Variants in TRMT11 observed in about 807,000 individuals in gnomAD.
The protein encoded by TRMT11 is tRNA methyltransferase 11, also known as tRNA (guanine(10)-N(2))-methyltransferase TRMT11.
In TRMT11, 53 loss-of-function variants were observed where a neutral mutation model predicts 62.8. The ratio of observed to expected loss-of-function variants is 0.84; its 90% CI spans 0.68 to 1.06. The LOEUF is 1.06. Among genes scored for constraint, TRMT11 ranks in the 50% least tolerant of loss-of-function variants. The pLI, the probability that TRMT11 is intolerant of heterozygous loss-of-function variation, is 0.00. For synonymous variants in TRMT11, 188 were observed against 190.3 expected (o/e 0.99, Z 0.10); for missense variants, 556 against 553.4 (o/e 1.00, Z -0.05).
intron 21 of TRMT11, among the ~76,000 whole-genome samples, chr6:126,126,853 C>T (rs1483314747): frequency 6.6e-6 from 1 of 152,078 alleles, no homozygotes; most frequent in African/African-American, 2.4e-5. Flanking sequence ...GAGCAGAATA[C>T]TGTTGAGATA....
intron 17 of TRMT11, among the ~76,000 whole-genome samples, chr6:126,054,435 T>C (rs1268119): frequency 0.82 from 124,429 of 152,184 alleles, 51,775 homozygotes; most frequent in East Asian, 1. Context: ...ATAAGTACAG[T>C]AGAAACCTTC....
intron 17 of TRMT11, among the ~76,000 whole-genome samples, chr6:126,078,970 G>A (rs1777097816): frequency 6.6e-6 from 1 of 152,064 alleles, no homozygotes; most frequent in Admixed American, 6.5e-5. Context: ...TAACCCTTTC[G>A]GGGGGAAATA....
At chr6:126,200,492 A>G (rs1312032276) in intron 3 of TRMT11, among the ~76,000 whole-genome samples, 2 of 152,230 alleles carry the variant, frequency 1.3e-5, no homozygotes, top group African/African-American at 4.8e-5. Flanking sequence ...CTGCTAAGCA[A>G]CGTGTGATAA....
intron 21 of TRMT11, among the ~76,000 whole-genome samples, chr6:126,167,750 C>G (rs776391114): frequency 2.0e-5 from 3 of 152,202 alleles, no homozygotes; most frequent in African/African-American, 4.8e-5. Context: ...GCAAGTGATA[C>G]AGCACATATG....
rs1777914506 is a variant in TRMT11, at chr6:126,141,351, CAAAT to C, written c.*1823+25499_*1823+25502del. ...TACAGCTTTAATCAATGTAATCAGT[CAAAT>C]AAGTTAAATAGTCAAAAGTATTTGT... On this transcript the variant is annotated intron_variant and NMD_transcript_variant, in intron 21 of 22. Transcript: ENST00000648977. 2.0e-5 allele frequency among the ~76,000 whole-genome samples: 3 copies of C among 152,054 alleles called. No individual in the cohort carries two copies. In the South Asian group the frequency reaches 6.2e-4, roughly 32 times the overall value.
intron 1 of TRMT11, among the ~76,000 whole-genome samples, chr6:126,195,551 A>G (rs1255627854): frequency 1.3e-5 from 2 of 152,218 alleles, no homozygotes; most frequent in Non-Finnish European, 2.9e-5. Context: ...GGGCTTTAAA[A>G]ATATGTATTT....
At chr6:126,123,532 T>C (rs1777674579) in intron 21 of TRMT11, among the ~76,000 whole-genome samples, 1 of 152,064 alleles carries the variant, frequency 6.6e-6, no homozygotes, top group Non-Finnish European at 1.5e-5. Flanking sequence ...TGGATTTTTT[T>C]TTCAGACACT....
chr6:126,240,720 C>T, the TRMT11 span, among the ~76,000 whole-genome samples: 2 of 152,238 alleles, frequency 1.3e-5, no homozygotes, highest in African/African-American at 2.4e-5. Flanking sequence ...GGGAGAACCA[C>T]TAGTGTCTTC....
intron 17 of TRMT11, among the ~76,000 whole-genome samples, chr6:126,080,671 ACT>A (rs534432258): frequency 2.0e-5 from 3 of 152,102 alleles, no homozygotes; most frequent in Admixed American, 6.6e-5. Context: ...ATTACTAAAT[ACT>A]CTCTCTTAAT....
chr6:125,993,521 C>G (rs185855587), intron 1 of TRMT11, among the ~76,000 whole-genome samples: 541 of 152,146 alleles, frequency 3.6e-3, no homozygotes, highest in Non-Finnish European at 6.4e-3. Context: ...ATTTTTTGAT[C>G]AAGTGTTTGC....
chr6:126,241,975 G>A, the TRMT11 span, among the ~76,000 whole-genome samples: 1 of 152,148 alleles, frequency 6.6e-6, no homozygotes, highest in African/African-American at 2.4e-5. Flanking sequence ...ATTCCATTAG[G>A]AAAAGAGGAA....
chr6:126,241,251 T>A, the TRMT11 span, among the ~76,000 whole-genome samples: 2 of 152,098 alleles, frequency 1.3e-5, no homozygotes, highest in Admixed American at 1.3e-4. Flanking sequence ...GGTACCTCAG[T>A]TGGAAATGCA....
rs369169828 is a variant in TRMT11 at position 125,998,311 on chromosome 6, T to C, written c.383T>C (p.Ile128Thr). Residue 128 changes from isoleucine to threonine, a missense_variant, in exon 5 of 13, where the codon ATA (isoleucine) becomes ACA (threonine). Ile to Thr is a moderately conservative substitution (Grantham distance 89, BLOSUM62 -1). Coordinates refer to ENST00000334379, the MANE Select transcript of TRMT11 (RefSeq NM_001031712.3). ...ACACAAGAAGAGAAAATCAAGCGAA[T>C]AGATGTAAGTAAATTTAGCAAAACA... ...TLTQEEKIKR[I>T]DALEFLPFEG... The C allele has an allele frequency of 6.3e-7, 1 of 1,579,536 alleles. No homozygotes were observed. Among genetic ancestry groups the C allele is most frequent in the Non-Finnish European group, 8.7e-7 (1 of 1,155,084 alleles).
At chr6:126,105,498 C>G (rs1324596947) in intron 17 of TRMT11, among the ~76,000 whole-genome samples, 1 of 152,050 alleles carries the variant, frequency 6.6e-6, no homozygotes, top group Non-Finnish European at 1.5e-5. Context: ...AACCAAGTAC[C>G]TGGAAGCCAG....
downstream of TRMT11, among the ~76,000 whole-genome samples, chr6:126,204,903 T>A (rs919054883): frequency 4.6e-5 from 7 of 152,240 alleles, no homozygotes; most frequent in Non-Finnish European, 8.8e-5. Context: ...TCTTTATGAT[T>A]TGGGATTTGT....
chr6:126,126,645 A>C (rs1777722412), intron 21 of TRMT11, among the ~76,000 whole-genome samples: 1 of 152,126 alleles, frequency 6.6e-6, no homozygotes, highest in Non-Finnish European at 1.5e-5. Context: ...CATTTGGGCT[A>C]TGGGCATCCC....
intron 10 of TRMT11, 34 bp downstream of exon 10, chr6:126,012,886 T>C (rs376422744): frequency 6.2e-7 from 1 of 1,609,290 alleles, no homozygotes; most frequent in Non-Finnish European, 8.5e-7. Flanking sequence ...TGTTACTACC[T>C]TGAGAAGAGG....
rs1483189635 is a variant in TRMT11, at chr6:126,093,625, A to ATTTTTTTTTTTT, written c.*1438-19240_*1438-19239insTTTTTTTTTTTT. On this transcript the variant is annotated intron_variant and NMD_transcript_variant, in intron 17 of 22. Coordinates refer to the TRMT11 transcript ENST00000648977. ...TATATATATATATATATATATATAT[A>ATTTTTTTTTTTT]TATATATTTTCCCCCAGTCCTGGAG... is the stretch of plus-strand genomic sequence containing the variant. Among the ~76,000 whole-genome samples, 6 of 103,522 alleles carry ATTTTTTTTTTTT rather than the reference A, an allele frequency of 5.8e-5. 1 individual carries two copies. Among genetic ancestry groups the ATTTTTTTTTTTT allele is most frequent in the African/African-American group, 2.9e-4 (6 of 20,820 alleles). 67.9% of individuals were successfully genotyped at this position (103,522 alleles called of 152,430 possible).
intron 21 of TRMT11, among the ~76,000 whole-genome samples, chr6:126,122,527 T>G (rs1777661987): frequency 6.6e-6 from 1 of 152,116 alleles, no homozygotes; most frequent in African/African-American, 2.4e-5. Context: ...ATTGTTTGAT[T>G]CTAGGACATA....
Sources: gnomAD v4.1 joint callset for allele counts (sites outside exome capture counted in the v4.1 genomes callset) on GRCh38, gnomAD v4.1.1 for gene constraint, MANE v1.5 for transcripts, NCBI Gene and HGNC (gene_info 2026-07-23, HGNC 2026-07-21) for gene names.